The following PLEKHM3 variants were observed in gnomAD, a reference collection of about 807,000 sequenced individuals.
The protein encoded by PLEKHM3 is pleckstrin homology domain containing M3.
A neutral mutation model predicts 81.8 loss-of-function variants in PLEKHM3; 45 were observed. The observed-to-expected ratio is 0.55, with a 90% CI of 0.43 to 0.71. The LOEUF is 0.71. PLEKHM3 is among the 30% of genes least tolerant of loss of function. The pLI is 0.00. For synonymous variants in PLEKHM3, 352 were observed against 356.4 expected (o/e 0.99, Z 0.14); for missense variants, 788 against 924.3 (o/e 0.85, Z 1.91).
intron 7 of PLEKHM3, chr2:207,851,740 C>CAAAAAAAAAAAAAAAAAAAA (rs10605219): frequency 4.5e-4 from 29 of 64,306 alleles, no homozygotes; most frequent in African/African-American, 1.6e-3. Flanking sequence ...AACTCCATCT[C>CAAAAAAAAAAAAAAAAAAAA]AAAAAAAAAA....
At chr2:207,901,583 C>T (rs761361424) in intron 6 of PLEKHM3, among the ~76,000 whole-genome samples, 4 of 152,122 alleles carry the variant, frequency 2.6e-5, no homozygotes, top group Middle Eastern at 3.2e-3. Context: ...ATGAACTGTT[C>T]GGCACCCACT....
At chr2:207,840,660 A>G (rs2092345080) in intron 7 of PLEKHM3, among the ~76,000 whole-genome samples, 1 of 152,162 alleles carries the variant, frequency 6.6e-6, no homozygotes, top group South Asian at 2.1e-4. Context: ...CCCATTTTCT[A>G]CTGATATTTT....
At position 208,001,329 on chromosome 2, in the gene PLEKHM3, T is replaced by C. The variant is rs769331181; in HGVS notation, c.311A>G (p.Asp104Gly). Residue 104 changes from aspartate to glycine, a missense_variant, in exon 2 of 8, where the codon GAT becomes GGT. Physicochemically the swap from Asp to Gly is moderately conservative, Grantham distance 94 (BLOSUM62 -1). Transcript: ENST00000427836. ...QFMVQRGTTPDNLSWMEQKEA... is the reference protein window; with the variant it reads ...QFMVQRGTTPGNLSWMEQKEA... Reference sequence around the variant, plus strand: ...CTTTTGTTCCATCCAGGAAAGATTATCTGGGGTTGTCCCTCTCTGGACCAT... The same window carrying C: ...CTTTTGTTCCATCCAGGAAAGATTACCTGGGGTTGTCCCTCTCTGGACCAT... The C allele has an allele frequency of 1.2e-5, 19 of 1,614,104 alleles. No homozygotes were observed. The South Asian group carries it at 1.9e-4, about 16-fold the overall frequency.
At chr2:207,939,808 T>C (rs914197625) in intron 4 of PLEKHM3, among the ~76,000 whole-genome samples, 3 of 152,308 alleles carry the variant, frequency 2.0e-5, no homozygotes, top group South Asian at 4.1e-4. Context: ...TCTTCCTTCA[T>C]GTAAGTGATA....
chr2:207,961,890 G>T (rs938942651), intron 3 of PLEKHM3, among the ~76,000 whole-genome samples: 2 of 152,122 alleles, frequency 1.3e-5, no homozygotes, highest in Non-Finnish European at 2.9e-5. Context: ...TCATTCTGTG[G>T]GGGGAAATTA....
chr2:207,838,015 G>T (rs973026263), intron 7 of PLEKHM3, among the ~76,000 whole-genome samples: 5 of 151,144 alleles, frequency 3.3e-5, no homozygotes, highest in Admixed American at 2.6e-4. Flanking sequence ...CAGGTGATCC[G>T]CCCGCCTCGG....
chr2:207,877,479 C>T (rs1376118253), intron 6 of PLEKHM3, among the ~76,000 whole-genome samples: 1 of 152,158 alleles, frequency 6.6e-6, no homozygotes, highest in African/African-American at 2.4e-5. Context: ...TTTCAGTTTT[C>T]CTTGGGCTCC....
At chr2:208,018,250 G>A (rs1692994109) in intron 1 of PLEKHM3, among the ~76,000 whole-genome samples, 1 of 151,946 alleles carries the variant, frequency 6.6e-6, no homozygotes, top group African/African-American at 2.4e-5. Flanking sequence ...GCATGTGCCT[G>A]TAGTCCCAGC....
chr2:208,001,140 G>A lies in PLEKHM3; in HGVS notation c.500C>T (p.Pro167Leu). 2 of 1,611,488 alleles carry A rather than the reference G, an allele frequency of 1.2e-6. No homozygotes were observed. Among genetic ancestry groups the A allele is most frequent in the Non-Finnish European group, 8.5e-7 (1 of 1,178,742 alleles). The change falls in exon 2 of 8, where the codon CCT (proline) becomes CTT (leucine). Residue 167 changes from proline to leucine, a missense_variant. Pro to Leu is a moderately conservative substitution (Grantham distance 98). Transcript: ENST00000427836. ...CTGCTGCTGTTGCTGCTGCTGCAAAGGCGTGGTTTTGAGGACTACCCTCCA... is the reference window on the plus strand; with the variant it reads ...CTGCTGCTGTTGCTGCTGCTGCAAAAGCGTGGTTTTGAGGACTACCCTCCA... ...VDWRVVLKTT[P>L]LQQQQQQQPL... is the part of the protein sequence containing the mutation.
At position 207,966,514 on chromosome 2, in the gene PLEKHM3, T is replaced by C. The variant is rs376698679; in HGVS notation, c.1546+10137A>G. Among the ~76,000 whole-genome samples the C allele has an allele frequency of 3.9e-5, 6 of 152,244 alleles. No individual in the cohort carries two copies. The East Asian group carries it at 1.2e-3, about 29-fold the overall frequency. On this transcript the variant is annotated intron_variant, in intron 3 of 7. Transcript: ENST00000427836. Reference sequence around the variant, plus strand: ...ACATTGATTTGCATGCTACGGTTTTTAGCTCCTTCACTATCACACATCAAT... The same window carrying C: ...ACATTGATTTGCATGCTACGGTTTTCAGCTCCTTCACTATCACACATCAAT...
chr2:207,893,052 A>T (rs184385796), intron 6 of PLEKHM3, among the ~76,000 whole-genome samples: 102 of 152,308 alleles, frequency 6.7e-4, no homozygotes, highest in Non-Finnish European at 1.2e-3. Flanking sequence ...GGACTTGAAT[A>T]CCCTCATGAA....
chr2:207,965,154 C>T (rs142776256), intron 3 of PLEKHM3, among the ~76,000 whole-genome samples: 1 of 152,276 alleles, frequency 6.6e-6, no homozygotes, highest in African/African-American at 2.4e-5. Context: ...AGAATCTTAA[C>T]CTGCCCAAGT....
Position 207,839,230 on chromosome 2 carries a change from GA to G in PLEKHM3, c.2109-10735del, listed in dbSNP as rs2092336251. Among the ~76,000 whole-genome samples the G allele has an allele frequency of 3.3e-5, 5 of 151,552 alleles. No individual in the cohort carries two copies. In the South Asian group the frequency reaches 1.0e-3, roughly 32 times the overall value. On this transcript the variant is annotated intron_variant, in intron 7 of 7. Transcript: ENST00000427836. The stretch of plus-strand genomic sequence containing the variant: ...CTAAGACACTAAGTACAACCAAAAT[GA>G]AAAAAAGGTCAAGCATGGGTACATT...
At chr2:208,019,790 C>G (rs1188421040) in intron 1 of PLEKHM3, 1 of 152,234 alleles carries the variant, frequency 6.6e-6, no homozygotes, top group Non-Finnish European at 1.5e-5. Flanking sequence ...CCTCACTAGA[C>G]TGTAAGCTTC....
At chr2:207,990,791 G>T (rs1691875130) in intron 2 of PLEKHM3, among the ~76,000 whole-genome samples, 1 of 152,156 alleles carries the variant, frequency 6.6e-6, no homozygotes, top group Non-Finnish European at 1.5e-5. Flanking sequence ...TGGTAGAAAT[G>T]AACTAGTCTT....
intron 5 of PLEKHM3, among the ~76,000 whole-genome samples, 178 bp downstream of exon 5, chr2:207,930,748 T>C (rs976250971): frequency 1.3e-5 from 2 of 152,076 alleles, no homozygotes; most frequent in African/African-American, 2.4e-5. Flanking sequence ...AATGGGGACC[T>C]TGGAGTAAAA....
chr2:207,956,250 A>G (rs1690502168), intron 3 of PLEKHM3, among the ~76,000 whole-genome samples: 2 of 152,180 alleles, frequency 1.3e-5, no homozygotes. Flanking sequence ...GCAGATCACG[A>G]GGTCAGGAGT....
chr2:207,916,068 C>T (rs544975577), intron 5 of PLEKHM3, among the ~76,000 whole-genome samples: 1 of 152,164 alleles, frequency 6.6e-6, no homozygotes, highest in African/African-American at 2.4e-5. Context: ...AAATCAAAGG[C>T]ACATATTTCG....
intron 7 of PLEKHM3, among the ~76,000 whole-genome samples, chr2:207,828,873 C>T (rs896628154): frequency 5.9e-5 from 9 of 152,112 alleles, no homozygotes; most frequent in East Asian, 1.9e-4. Context: ...TGAAAACGCT[C>T]GGCACACCAG....
Sources: gnomAD v4.1 joint callset for allele counts (sites outside exome capture counted in the v4.1 genomes callset) on GRCh38, gnomAD v4.1.1 for gene constraint, MANE v1.5 for transcripts, NCBI Gene and HGNC (gene_info 2026-07-23, HGNC 2026-07-21) for gene names.